UMODL1: variants seen among roughly 807,000 people sequenced by gnomAD.
UMODL1 encodes the protein uromodulin-like 1.
UMODL1 carries 128 observed loss-of-function variants against 136.3 expected under a neutral mutation model. The observed-to-expected ratio is 0.94, with a 90% CI of 0.81 to 1.09. The LOEUF is 1.09. UMODL1 is among the 50% of genes least tolerant of loss of function. The pLI, the probability that UMODL1 is intolerant of heterozygous loss-of-function variation, is 0.00. For synonymous variants in UMODL1, 721 were observed against 720.0 expected (o/e 1.00, Z -0.02); for missense variants, 1,766 against 1,725.6 (o/e 1.02, Z -0.41).
chr21:42,085,464 G>A lies in UMODL1; in HGVS notation c.603+52G>A. The A allele has an allele frequency of 5.6e-6, 9 of 1,611,946 alleles. No homozygotes were observed. Among genetic ancestry groups the A allele is most frequent in the Non-Finnish European group, 7.6e-6 (9 of 1,179,472 alleles). On this transcript the variant is annotated intron_variant, in intron 4 of 22. Coordinates refer to ENST00000408910, the MANE Select transcript of UMODL1 (RefSeq NM_001004416.3). The surrounding 1 kb of genome is among the most constrained non-coding windows in gnomAD (Gnocchi z 4.5). ...GCACCCTCCTTGTGGCAGCTGCTCA[G>A]GCAGACCCAGGTATGGGGCCGTGGA... is the stretch of plus-strand genomic sequence containing the variant.
intron 1 of UMODL1, among the ~76,000 whole-genome samples, chr21:42,074,473 G>C (rs1242253484): frequency 6.6e-6 from 1 of 152,200 alleles, no homozygotes; most frequent in Non-Finnish European, 1.5e-5. Context: ...GGCAGTAGGG[G>C]CTCCCGGGGA....
intron 2 of UMODL1, among the ~76,000 whole-genome samples, chr21:42,076,774 C>A (rs142617919): frequency 6.6e-6 from 1 of 152,116 alleles, no homozygotes; most frequent in South Asian, 2.1e-4. Context: ...AACTCCAATA[C>A]GTGAAAGAGC....
chr21:42,115,832 T>C, intron 13 of UMODL1, 41 bp from the exon 14 acceptor site: 3 of 1,470,786 alleles, frequency 2.0e-6, no homozygotes, highest in Non-Finnish European at 2.9e-6. Context: ...TGTTATCTAA[T>C]ACAGCACCAA....
chr21:42,138,981 A>C (rs2067244705), intron 22 of UMODL1, among the ~76,000 whole-genome samples: 1 of 152,204 alleles, frequency 6.6e-6, no homozygotes, highest in African/African-American at 2.4e-5. Context: ...CAGCCTGGGC[A>C]AGATAGAAAG....
Position 42,099,300 on chromosome 21 carries a change from C to T in UMODL1, c.1186+120C>T. 1.1e-5 allele frequency: 15 copies of T among 1,374,696 alleles called. No homozygotes were observed. The highest frequency in any genetic ancestry group is 1.4e-5 in the Non-Finnish European group (14 of 1,032,518). 85.2% of individuals were successfully genotyped at this position (1,374,696 alleles called of 1,614,324 possible). A position where few individuals can be genotyped will look rare whatever the true frequency, so the allele number is the denominator to read the frequency against. On this transcript the variant is annotated intron_variant, in intron 7 of 22. Transcript: ENST00000408910. This position sits in a 1 kb window ranked among gnomAD's most constrained non-coding sequence, Gnocchi z 4.1. Reference sequence around the variant, plus strand: ...CCAGGGCACCAGAAGTCACTGACCGCCCTGCACTTCCTCCCTCCCCTCCCA... The same window carrying T: ...CCAGGGCACCAGAAGTCACTGACCGTCCTGCACTTCCTCCCTCCCCTCCCA...
At chr21:42,095,089 G>GGTTTTCTTTTTTTTTTTT (rs1555922532) in intron 6 of UMODL1, among the ~76,000 whole-genome samples, 1 of 61,186 alleles carries the variant, frequency 1.6e-5, no homozygotes, top group East Asian at 5.5e-4. Flanking sequence ...TTCTTCTGCT[G>GGTTTTCTTTTTTTTTTTT]TTTTTTTTTT....
At chr21:42,073,043 T>C (rs899836334) in intron 1 of UMODL1, among the ~76,000 whole-genome samples, 6 of 152,054 alleles carry the variant, frequency 3.9e-5, no homozygotes, top group African/African-American at 7.2e-5. Context: ...TGTGTGTGTG[T>C]GCGTGTGCGC....
intron 3 of UMODL1, among the ~76,000 whole-genome samples, chr21:42,084,943 T>C (rs2066408424): frequency 6.7e-6 from 1 of 150,238 alleles, no homozygotes; most frequent in South Asian, 2.1e-4. Context: ...AAGTATAAAG[T>C]AATTTTCTAT....
At chr21:42,120,799 T>C in intron 15 of UMODL1, 1 of 283,856 alleles carries the variant, frequency 3.5e-6, no homozygotes, top group South Asian at 1.4e-4. Flanking sequence ...GTGCATCTCC[T>C]GGTTACTCCC....
At chr21:42,087,350 G>A (rs2066437939) in intron 4 of UMODL1, among the ~76,000 whole-genome samples, 1 of 152,142 alleles carries the variant, frequency 6.6e-6, no homozygotes, top group Admixed American at 6.5e-5. Flanking sequence ...GGCTTCAAGT[G>A]TGTATCGGAG....
At chr21:42,131,123 T>G (rs1178681894) in intron 21 of UMODL1, among the ~76,000 whole-genome samples, 1 of 152,220 alleles carries the variant, frequency 6.6e-6, no homozygotes, top group Admixed American at 6.5e-5. Flanking sequence ...TGACTCCCAC[T>G]TTTATGACAG....
intron 6 of UMODL1, chr21:42,093,784 A>C (rs1420498312): frequency 2.4e-6 from 1 of 424,938 alleles, no homozygotes; most frequent in Non-Finnish European, 4.8e-6. Flanking sequence ...AGGTTTTCAC[A>C]GTGGTCATCC....
At chr21:42,072,715 T>C (rs1305334274) in intron 1 of UMODL1, among the ~76,000 whole-genome samples, 1 of 152,196 alleles carries the variant, frequency 6.6e-6, no homozygotes, top group Non-Finnish European at 1.5e-5. Flanking sequence ...GGGCATGACA[T>C]GGGCGCAATC....
intron 20 of UMODL1, chr21:42,128,244 T>TC: frequency 3.3e-6 from 1 of 300,554 alleles, no homozygotes; most frequent in South Asian, 2.8e-5. Context: ...TAAAGTTTTT[T>TC]CCCCTTTCCT....
chr21:42,084,371 C>T, intron 3 of UMODL1, 126 bp downstream of exon 3: 1 of 1,030,170 alleles, frequency 9.7e-7, no homozygotes, highest in Non-Finnish European at 1.3e-6. Flanking sequence ...CAGGAGCCCC[C>T]ACCGTGTGCA....
chr21:42,097,727 T>C (rs2066575358), intron 6 of UMODL1, among the ~76,000 whole-genome samples: 1 of 152,230 alleles, frequency 6.6e-6, no homozygotes, highest in African/African-American at 2.4e-5. Context: ...GAGCTTAAAT[T>C]CTGATGTGAA....
At chr21:42,072,781 C>A (rs1464014946) in intron 1 of UMODL1, among the ~76,000 whole-genome samples, 1 of 152,250 alleles carries the variant, frequency 6.6e-6, no homozygotes, top group Non-Finnish European at 1.5e-5. Context: ...GACCCCAGGA[C>A]TCTTGTTGGC....
chr21:42,088,178 A>G, intron 4 of UMODL1, 116 bp from the exon 5 acceptor site: 3 of 1,110,658 alleles, frequency 2.7e-6, no homozygotes, highest in Non-Finnish European at 2.5e-6. Flanking sequence ...TCTTTGCTGA[A>G]GAGCAGAATG....
At chr21:42,078,983 G>GA (rs1318224938) in intron 2 of UMODL1, among the ~76,000 whole-genome samples, 1 of 152,212 alleles carries the variant, frequency 6.6e-6, no homozygotes, top group African/African-American at 2.4e-5. Flanking sequence ...ATAGCGGGGG[G>GA]CCATTAGGAC....
Sources: allele counts gnomAD v4.1 joint callset (sites outside exome capture counted in the v4.1 genomes callset), GRCh38; gene constraint gnomAD v4.1.1; non-coding constraint Gnocchi (gnomAD v3.1); transcripts MANE v1.5; gene names NCBI Gene and HGNC (gene_info 2026-07-23, HGNC 2026-07-21).